SAMD13: variants seen among roughly 807,000 people sequenced by gnomAD.
SAMD13 encodes the protein sterile alpha motif domain-containing protein 13.
SAMD13 carries 9 observed loss-of-function variants against 12.4 expected under a neutral mutation model. That is an observed-to-expected ratio of 0.72 (90% CI 0.44 to 1.26). SAMD13 has a LOEUF of 1.26. SAMD13 is among the 50% of genes most tolerant of loss of function. The pLI, the probability that SAMD13 is intolerant of heterozygous loss-of-function variation, is 0.00. For synonymous variants in SAMD13, 46 were observed against 45.4 expected, an observed-to-expected ratio of 1.01 and a Z score of -0.05; for missense variants, 84 against 119.6, an observed-to-expected ratio of 0.70 and a Z score of 1.39.
chr1:84,303,277 G>A lies in SAMD13; in HGVS notation c.43G>A (p.Gly15Ser), dbSNP rs1217902779. Residue 15 changes from glycine to serine, a missense_variant, in exon 2 of 4, where the codon GGT becomes AGT. Coordinates refer to ENST00000394834, the MANE Select transcript of SAMD13 (RefSeq NM_001134663.2). ...GGAAAACAAGGAAAATGGCTCTGTC[G>A]GTGTAAAAAAGTAAGTGAAGCTGGC... is the stretch of plus-strand genomic sequence containing the variant. ...DMENKENGSV[G>S]VKNSMENGRP... 3.1e-6 allele frequency: 5 copies of A among 1,612,206 alleles called. No individual in the cohort carries two copies. The highest frequency in any genetic ancestry group is 3.3e-5 in the Admixed American group (2 of 59,898).
At chr1:84,302,992 G>T in intron 1 of SAMD13, 1 of 456,316 alleles carries the variant, frequency 2.2e-6, no homozygotes, top group South Asian at 2.6e-5. Flanking sequence ...GGCAGGGAGT[G>T]CCAGTACAGA....
chr1:84,302,004 ACT>A (rs1265998699), intron 1 of SAMD13: 1 of 152,304 alleles, frequency 6.6e-6, no homozygotes, highest in African/African-American at 2.4e-5. Context: ...CTTCCTGTCT[ACT>A]CTCTAACGGT....
At chr1:84,341,016 C>A (rs1236611568) in intron 3 of SAMD13, among the ~76,000 whole-genome samples, 1 of 152,186 alleles carries the variant, frequency 6.6e-6, no homozygotes, top group African/African-American at 2.4e-5. Context: ...TCATCTCCTG[C>A]CCTTGGAAAT....
intron 2 of SAMD13, among the ~76,000 whole-genome samples, chr1:84,311,357 A>G (rs139437974): frequency 0.03 from 4,549 of 151,080 alleles, 87 homozygotes; most frequent in South Asian, 0.07. Context: ...AAAAGAAAAG[A>G]AAAGAAAAGA....
chr1:84,344,981 T>C (rs1220704268), intron 3 of SAMD13: 1 of 456,626 alleles, frequency 2.2e-6, no homozygotes, highest in Non-Finnish European at 4.4e-6. Context: ...GTGATGATTT[T>C]TCCCTTGGCC....
rs542843258 is a variant in SAMD13, at chr1:84,342,458, A to G, written c.166-7173A>G. Among the ~76,000 whole-genome samples the G allele has an allele frequency of 9.2e-5, 14 of 152,200 alleles. No homozygotes were observed. In the East Asian group the frequency reaches 2.7e-3, roughly 29 times the overall value. ...ATCATGCTACCAGACTTAAAACTAT[A>G]CTGTAAGGCCACAGTAACCAAAACA... On this transcript the variant is annotated intron_variant, in intron 3 of 3. Transcript: ENST00000394834.
intron 3 of SAMD13, 101 bp from the exon 4 acceptor site, chr1:84,349,530 G>A (rs1257820763): frequency 4.7e-6 from 7 of 1,500,718 alleles, no homozygotes; most frequent in Non-Finnish European, 6.2e-6. Flanking sequence ...TTTTAGCTTG[G>A]GCACAAGTGG....
chr1:84,348,333 A>T (rs1453658589), intron 3 of SAMD13, among the ~76,000 whole-genome samples: 3 of 152,198 alleles, frequency 2.0e-5, no homozygotes, highest in African/African-American at 7.2e-5. Flanking sequence ...CCAGCCTGGC[A>T]AGCAAGGCAC....
chr1:84,319,135 A>T (rs1324952929), intron 2 of SAMD13, among the ~76,000 whole-genome samples: 1 of 152,184 alleles, frequency 6.6e-6, no homozygotes, highest in Non-Finnish European at 1.5e-5. Context: ...AAGTTTCTCT[A>T]AGCAGTGAAG....
At chr1:84,301,589 A>C, upstream of SAMD13, 5 of 985,416 alleles carry the variant, frequency 5.1e-6, no homozygotes, top group Non-Finnish European at 6.0e-6. Context: ...TAGCTTTAAA[A>C]AGTCAGCCAT....
At chr1:84,335,250 G>A (rs565006360) in intron 3 of SAMD13, among the ~76,000 whole-genome samples, 5 of 152,168 alleles carry the variant, frequency 3.3e-5, no homozygotes, top group African/African-American at 1.2e-4. Flanking sequence ...TATATACTTA[G>A]GATAGTTACA....
intron 2 of SAMD13, among the ~76,000 whole-genome samples, chr1:84,306,668 G>A (rs1275208675): frequency 1.8e-4 from 20 of 108,310 alleles, no homozygotes; most frequent in Admixed American, 2.8e-4. Context: ...AAAAAAGAGA[G>A]AGAGAGAGAG....
At chr1:84,319,085 G>T (rs965160266) in intron 2 of SAMD13, among the ~76,000 whole-genome samples, 1 of 152,048 alleles carries the variant, frequency 6.6e-6, no homozygotes, top group African/African-American at 2.4e-5. Context: ...TTCTTATATA[G>T]TTTCTTTCTT....
chr1:84,341,662 G>A (rs1679428638), intron 3 of SAMD13, among the ~76,000 whole-genome samples: 1 of 152,096 alleles, frequency 6.6e-6, no homozygotes, highest in Admixed American at 6.6e-5. Flanking sequence ...TTCAGACTTG[G>A]TATGAAAGAG....
At chr1:84,316,535 A>G (rs1196579325) in intron 2 of SAMD13, among the ~76,000 whole-genome samples, 2 of 152,080 alleles carry the variant, frequency 1.3e-5, no homozygotes, top group East Asian at 3.8e-4. Context: ...CCACATATCC[A>G]TGGATGTATT....
chr1:84,343,308 G>T (rs571290194), intron 3 of SAMD13, among the ~76,000 whole-genome samples: 12 of 152,318 alleles, frequency 7.9e-5, no homozygotes, highest in Admixed American at 3.9e-4. Context: ...ATTCCTCAAA[G>T]ATCTAGAATC....
intron 2 of SAMD13, among the ~76,000 whole-genome samples, chr1:84,325,203 G>A (rs922014542): frequency 6.6e-6 from 1 of 152,144 alleles, no homozygotes; most frequent in Admixed American, 6.5e-5. Flanking sequence ...AGACAGGTGT[G>A]GGGGCATTGT....
intron 1 of SAMD13, chr1:84,302,815 A>G (rs551580318): frequency 4.3e-6 from 1 of 232,700 alleles, no homozygotes; most frequent in East Asian, 2.1e-4. Context: ...ATCAAAGCCC[A>G]TAATGGGAGG....
intron 3 of SAMD13, among the ~76,000 whole-genome samples, chr1:84,334,541 CA>C (rs1679256057): frequency 6.6e-6 from 1 of 151,910 alleles, no homozygotes. Context: ...TATGGTTTTT[CA>C]TGTCTCAGTT....
Sources: gnomAD v4.1 joint callset for allele counts (sites outside exome capture counted in the v4.1 genomes callset) on GRCh38, gnomAD v4.1.1 for gene constraint, MANE v1.5 for transcripts, NCBI Gene and HGNC (gene_info 2026-07-23, HGNC 2026-07-21) for gene names.